PGR: variants seen among roughly 807,000 people sequenced by gnomAD.
PGR encodes the protein nuclear receptor subfamily 3 group C member 3.
In PGR, 25 loss-of-function variants were observed where a neutral mutation model predicts 76.1. The observed-to-expected ratio is 0.33, with a 90% confidence interval of 0.24 to 0.46. PGR has a LOEUF of 0.46. Ranked by LOEUF, PGR falls within the 20% of genes least tolerant of loss-of-function variation. The pLI, the probability that PGR is intolerant of heterozygous loss-of-function variation, is 1.00. For synonymous variants in PGR, 579 were observed against 535.0 expected, an observed-to-expected ratio of 1.08 and a Z score of -1.14; for missense variants, 1,172 against 1,225.3, an observed-to-expected ratio of 0.96 and a Z score of 0.65.
chr11:101,099,555 TC>T (rs149145375), intron 2 of PGR, among the ~76,000 whole-genome samples: 2,435 of 152,280 alleles, frequency 0.016, 62 homozygotes, highest in African/African-American at 0.056. Context: ...AAAGTTTCTT[TC>T]TTTTAAAAAC....
intron 4 of PGR, among the ~76,000 whole-genome samples, chr11:101,055,493 C>A (rs1860259630): frequency 6.8e-6 from 1 of 148,004 alleles, no homozygotes; most frequent in African/African-American, 2.5e-5. Context: ...AAACATTAAC[C>A]AAGTGTTCAC....
At chr11:101,077,477 G>A (rs1397659890) in intron 3 of PGR, among the ~76,000 whole-genome samples, 1 of 152,060 alleles carries the variant, frequency 6.6e-6, no homozygotes, top group Non-Finnish European at 1.5e-5. Flanking sequence ...AACTATACTA[G>A]AATTGATTTT....
intron 6 of PGR, among the ~76,000 whole-genome samples, chr11:101,046,860 A>G (rs1859904630): frequency 6.6e-6 from 1 of 152,096 alleles, no homozygotes. Context: ...CCAAAAGTTC[A>G]GTATATCTCT....
At position 101,128,492 on chromosome 11, in the gene PGR, C is replaced by T. The variant is rs774596534; in HGVS notation, c.579G>A (p.Arg193=). 1.2e-6 allele frequency: 2 copies of T among 1,605,980 alleles called. No homozygotes were observed. Among genetic ancestry groups the T allele is most frequent in the South Asian group, 2.2e-5 (2 of 90,716 alleles). The change falls in exon 1 of 8, where the codon CGG becomes CGA. Residue 193 remains arginine, a synonymous_variant. Coordinates refer to ENST00000325455, the MANE Select transcript of PGR (RefSeq NM_000926.4). The part of the protein sequence containing the change: ...KVLPRGLSPA[R]QLLLPASESP... ...TCTCAGAGGCCGGGAGCAGCAGCTGCCGGGCTGGTGACAGGCCCCGGGGCA... is the reference window on the plus strand; with the variant it reads ...TCTCAGAGGCCGGGAGCAGCAGCTGTCGGGCTGGTGACAGGCCCCGGGGCA...
At position 101,033,517 on chromosome 11, in the gene PGR, CAAGTT is replaced by C. The variant is rs1859414828; in HGVS notation, c.*5594_*5598del. ...AAAAAGCAATGACATTTTATACTAT[CAAGTT>C]AAGGCTGCACAAAATATATCAAATC... is the stretch of plus-strand genomic sequence containing the variant. On this transcript the variant is annotated 3_prime_UTR_variant, in exon 8 of 8. Transcript: ENST00000325455. 2 of 191,428 alleles carry C rather than the reference CAAGTT, an allele frequency of 1.0e-5. No individual in the cohort carries two copies. The highest frequency in any genetic ancestry group is 1.9e-4 in the South Asian group (1 of 5,170). 11.9% of individuals were successfully genotyped at this position (191,428 alleles called of 1,614,324 possible).
chr11:101,065,277 G>GTTGT (rs59034191), intron 3 of PGR, among the ~76,000 whole-genome samples: 39,026 of 151,860 alleles, frequency 0.26, 5,044 homozygotes, highest in African/African-American at 0.3. Context: ...TATTAAAGTA[G>GTTGT]TTGTTTTGAC....
rs972182218 is a variant in PGR at position 101,031,528 on chromosome 11, C to T, written c.*7588G>A. 1.8e-5 allele frequency: 4 copies of T among 228,462 alleles called. No individual in the cohort carries two copies. The highest frequency in any genetic ancestry group is 6.7e-5 in the African/African-American group (3 of 44,994). The allele number at this position is 228,462 out of a possible 1,614,324, so 14.2% of individuals were successfully genotyped here. A position where few individuals can be genotyped will look rare whatever the true frequency, so the allele number is the denominator to read the frequency against. On this transcript the variant is annotated 3_prime_UTR_variant, in exon 8 of 8. Transcript: ENST00000325455. ...CTTCAACCTACTGCTCACCAGTGCT[C>T]CCTCCTCAGCTCCAAGGCTGTGGAG... is the stretch of plus-strand genomic sequence containing the variant.
rs1159695702 is a variant in PGR at position 101,127,829 on chromosome 11, G to A, written c.1242C>T (p.Phe414=). ...YLVAGANPAA[F]PDFPLGPPPP... ...GCGGTGGCCCCAACGGGAAATCCGG[G>A]AAGGCTGCGGGGTTGGCACCGGCCA... is the stretch of plus-strand genomic sequence containing the variant. Residue 414 remains phenylalanine (F), a synonymous_variant, in exon 1 of 8, where the codon TTC becomes TTT. Coordinates refer to ENST00000325455, the MANE Select transcript of PGR (RefSeq NM_000926.4). 2.5e-6 allele frequency: 4 copies of A among 1,579,176 alleles called. No homozygotes were observed. The African/African-American group carries it at 5.4e-5, about 21-fold the overall frequency.
At chr11:101,063,898 G>A (rs1194988987) in intron 3 of PGR, 5 of 152,170 alleles carry the variant, frequency 3.3e-5, no homozygotes, top group Non-Finnish European at 5.9e-5. Context: ...CCACAAACTG[G>A]TGGTACGCCA....
In PGR at chr11:101,031,582, G is replaced by C; in HGVS notation, c.*7534C>G. 1 of 213,094 alleles carries C rather than the reference G, an allele frequency of 4.7e-6. No homozygotes were observed. The highest frequency in any genetic ancestry group is 9.4e-6 in the Non-Finnish European group (1 of 105,978). The allele number at this position is 213,094 out of a possible 1,614,324, so 13.2% of individuals were successfully genotyped here. On this transcript the variant is annotated 3_prime_UTR_variant, in exon 8 of 8. Coordinates refer to ENST00000325455, the MANE Select transcript of PGR (RefSeq NM_000926.4). ...TCATGAAGTCACAATGTTCTACTGA[G>C]AATTTAGCTTTTTTTTTTTTTTTGG...
chr11:101,096,598 G>A (rs1427017567), intron 2 of PGR, among the ~76,000 whole-genome samples: 1 of 152,104 alleles, frequency 6.6e-6, no homozygotes, highest in African/African-American at 2.4e-5. Context: ...TGTATATGCA[G>A]GTGAAGAAAG....
intron 6 of PGR, 26 bp from the exon 7 acceptor site, chr11:101,042,128 C>T (rs765290529): frequency 6.2e-7 from 1 of 1,610,544 alleles, no homozygotes; most frequent in Non-Finnish European, 8.5e-7. Context: ...TTAAAAGTGG[C>T]AGTTGTGTAT....
intron 3 of PGR, among the ~76,000 whole-genome samples, chr11:101,068,335 AG>A (rs1860798325): frequency 1.3e-5 from 2 of 152,270 alleles, no homozygotes; most frequent in East Asian, 3.9e-4. Context: ...GGCCTCTTCA[AG>A]GAGAACTACA....
rs772897132 is a variant in PGR, at chr11:101,128,102, C to T, written c.969G>A (p.Leu323=). The T allele has an allele frequency of 1.1e-4, 168 of 1,599,222 alleles. No homozygotes were observed. The highest frequency in any genetic ancestry group is 3.3e-4 in the Middle Eastern group (2 of 6,078). The change falls in exon 1 of 8, where the codon CTG becomes CTA. Residue 323 remains leucine, a synonymous_variant. Coordinates refer to ENST00000325455, the MANE Select transcript of PGR (RefSeq NM_000926.4). ...HALLAARTRQ[L]LEDESYDGGA... ...CGCCGTCGTAACTTTCGTCTTCCAG[C>T]AGCTGCCGAGTGCGGGCTGCCAATA...
At chr11:101,043,748 G>A (rs780571309) in intron 6 of PGR, among the ~76,000 whole-genome samples, 21 of 152,144 alleles carry the variant, frequency 1.4e-4, no homozygotes, top group Non-Finnish European at 2.6e-4. Flanking sequence ...ATATCCATAA[G>A]AGCTCTTGGC....
intron 2 of PGR, among the ~76,000 whole-genome samples, chr11:101,106,478 T>C (rs1342979838): frequency 6.6e-6 from 1 of 152,168 alleles, no homozygotes; most frequent in Non-Finnish European, 1.5e-5. Context: ...TCATCATCAC[T>C]AGTCATTAGA....
At position 101,038,612 on chromosome 11, in the gene PGR, T is replaced by C. The variant is rs1400412775; in HGVS notation, c.*504A>G. ...TACATTTTTTGCATTAAAAATACTT[T>C]TGAAAATCTGAGGAAAGTTATGAAT... On this transcript the variant is annotated 3_prime_UTR_variant, in exon 8 of 8. Coordinates refer to ENST00000325455, the MANE Select transcript of PGR (RefSeq NM_000926.4). 3 of 229,930 alleles carry C rather than the reference T, an allele frequency of 1.3e-5. No homozygotes were observed. Among genetic ancestry groups the C allele is most frequent in the Admixed American group, 5.6e-5 (1 of 17,706 alleles). The allele number at this position is 229,930 out of a possible 1,614,324, so 14.2% of individuals were successfully genotyped here.
chr11:101,080,771 T>C (rs1328756319), intron 3 of PGR, among the ~76,000 whole-genome samples: 1 of 151,902 alleles, frequency 6.6e-6, no homozygotes, highest in Admixed American at 6.6e-5. Flanking sequence ...GACATGAACA[T>C]CTTAAAAAAA....
At chr11:101,064,248 T>A (rs1304873792) in intron 3 of PGR, among the ~76,000 whole-genome samples, 2 of 142,008 alleles carry the variant, frequency 1.4e-5, no homozygotes, top group African/African-American at 5.3e-5. Flanking sequence ...GGAAAATCAC[T>A]TGAACCCAGG....
Sources: gnomAD v4.1 joint callset for allele counts (sites outside exome capture counted in the v4.1 genomes callset) on GRCh38, gnomAD v4.1.1 for gene constraint, MANE v1.5 for transcripts, NCBI Gene and HGNC (gene_info 2026-07-23, HGNC 2026-07-21) for gene names.